PIK3R2: variants seen among roughly 807,000 people sequenced by gnomAD.
The protein encoded by PIK3R2 is phosphatidylinositol 3-kinase regulatory subunit beta.
In PIK3R2, 40 loss-of-function variants were observed where a neutral mutation model predicts 78.5. That is an observed-to-expected ratio of 0.51 (90% CI 0.40 to 0.66). PIK3R2 has a LOEUF of 0.66. Among genes scored for constraint, PIK3R2 ranks in the 30% least tolerant of loss-of-function variants. PIK3R2 has a pLI of 0.00. For missense variants in PIK3R2, 880 were observed against 1,026.6 expected, an observed-to-expected ratio of 0.86 and a Z score of 1.95; for synonymous variants, 473 against 457.7, an observed-to-expected ratio of 1.03 and a Z score of -0.43.
chr19:18,161,956 T>C lies in PIK3R2; in HGVS notation c.816-10T>C. The C allele has an allele frequency of 6.8e-6, 11 of 1,612,424 alleles. No homozygotes were observed. Among genetic ancestry groups the C allele is most frequent in the Non-Finnish European group, 8.5e-6 (10 of 1,178,720 alleles). Reference sequence around the variant, plus strand: ...TACCCAGCCCTCACCACACTCCCCTTCCCCCTAAGGAGTGAGCCCAGCCCT... The same window carrying C: ...TACCCAGCCCTCACCACACTCCCCTCCCCCCTAAGGAGTGAGCCCAGCCCT... On this transcript the variant is annotated splice_polypyrimidine_tract_variant and intron_variant, in intron 6 of 15. Coordinates refer to ENST00000222254, the MANE Select transcript of PIK3R2 (RefSeq NM_005027.4). This position sits in a 1 kb window ranked among gnomAD's most constrained non-coding sequence, Gnocchi z 5.3.
In PIK3R2 at chr19:18,161,391, G is replaced by T; in HGVS notation, c.711G>T (p.Pro237=). ...TGGGCCGCGTGGCCAGCCGCGCCCC[G>T]GCCCTGGGTCCCGCGGTCCGGGCCC... ...QHLGRVASRA[P]ALGPAVRALG... is the part of the protein sequence containing the mutation. Residue 237 remains proline (P), a synonymous_variant, in exon 6 of 16, where the codon CCG becomes CCT. Transcript: ENST00000222254. The surrounding 1 kb of genome is among the most constrained non-coding windows in gnomAD (Gnocchi z 5.3). 8.2e-7 allele frequency: 1 copy of T among 1,225,306 alleles called. No homozygotes were observed. Among genetic ancestry groups the T allele is most frequent in the South Asian group, 3.4e-5 (1 of 29,410 alleles). The allele number at this position is 1,225,306 out of a possible 1,614,324, so 75.9% of individuals were successfully genotyped here.
intron 11 of PIK3R2, among the ~76,000 whole-genome samples, chr19:18,163,957 T>G (rs978356371): frequency 1.3e-5 from 2 of 151,880 alleles, no homozygotes; most frequent in African/African-American, 4.8e-5. Context: ...TGAAACCCTG[T>G]CTCTACTAAA....
rs2147950108 is a variant in PIK3R2 at position 18,161,093 on chromosome 19, C to G, written c.506C>G (p.Ala169Gly). ...LSDVDQWDTAALADGIKSFLL... is the reference protein window; with the variant it reads ...LSDVDQWDTAGLADGIKSFLL... The stretch of plus-strand genomic sequence containing the variant: ...GACGTGGATCAGTGGGACACGGCAG[C>G]CCTGGCTGACGGCATTAAGAGCTTC... Residue 169 changes from alanine (A) to glycine (G), a missense_variant, in exon 5 of 16, where the codon GCC (alanine) becomes GGC (glycine). Ala to Gly is a moderately conservative substitution (Grantham distance 60, BLOSUM62 0). Around this residue, in one of 3 missense-constraint regions of PIK3R2, gnomAD observed 456 missense variants for 486.6 expected, o/e 0.94. Coordinates refer to ENST00000222254, the MANE Select transcript of PIK3R2 (RefSeq NM_005027.4). This position sits in a 1 kb window ranked among gnomAD's most constrained non-coding sequence, Gnocchi z 5.3. 6.2e-7 allele frequency: 1 copy of G among 1,606,008 alleles called. No homozygotes were observed. Among genetic ancestry groups the G allele is most frequent in the Non-Finnish European group, 8.5e-7 (1 of 1,177,022 alleles).
rs2043739301 is a variant in PIK3R2 at position 18,161,156 on chromosome 19, C to A, written c.569C>A (p.Ala190Asp). The A allele has an allele frequency of 1.2e-5, 18 of 1,549,884 alleles. No homozygotes were observed. The highest frequency in any genetic ancestry group is 1.6e-5 in the Non-Finnish European group (18 of 1,147,518). Reference sequence around the variant, plus strand: ...CCCGCGCCGCTCGTGACCCCCGAGGCCTCGGCCGAGGCGCGCCGGGCCCTG... The same window carrying A: ...CCCGCGCCGCTCGTGACCCCCGAGGACTCGGCCGAGGCGCGCCGGGCCCTG... ...ALPAPLVTPE[A>D]SAEARRALRE... The change falls in exon 5 of 16, where the codon GCC becomes GAC. Residue 190 changes from alanine to aspartate, a missense_variant. Coordinates refer to ENST00000222254, the MANE Select transcript of PIK3R2 (RefSeq NM_005027.4). The surrounding 1 kb of genome is among the most constrained non-coding windows in gnomAD (Gnocchi z 5.3).
intron 1 of PIK3R2, among the ~76,000 whole-genome samples, chr19:18,154,771 G>A (rs1036746172): frequency 6.6e-6 from 1 of 151,942 alleles, no homozygotes; most frequent in African/African-American, 2.4e-5. Flanking sequence ...ATCTGTAACA[G>A]GGGTGATGAA....
chr19:18,154,378 T>G (rs1467538412), intron 1 of PIK3R2, among the ~76,000 whole-genome samples: 1 of 152,022 alleles, frequency 6.6e-6, no homozygotes, highest in Admixed American at 6.6e-5. Flanking sequence ...GGGCTAAGGT[T>G]CCTTCTAAGC....
At position 18,169,223 on chromosome 19, in the gene PIK3R2, G is replaced by A. The variant is rs1342420207; in HGVS notation, c.2116G>A (p.Asp706Asn). The change falls in exon 16 of 16, where the codon GAC becomes AAC. Residue 706 changes from aspartate (D) to asparagine (N), a missense_variant. By Grantham distance (23) the Asp-to-Asn change is conservative. This residue lies in a region of PIK3R2 where 268 missense variants were observed against 299.1 expected (regional missense o/e 0.90). Coordinates refer to ENST00000222254, the MANE Select transcript of PIK3R2 (RefSeq NM_005027.4). ...GCACGCCTCGCTGGTGCAGCACAAC[G>A]ACGCGCTCACCGTCACCCTGGCGCA... ...YQHASLVQHNDALTVTLAHPV... is the reference protein window; with the variant it reads ...YQHASLVQHNNALTVTLAHPV... 2 of 1,600,022 alleles carry A rather than the reference G, an allele frequency of 1.2e-6. No individual in the cohort carries two copies. The highest frequency in any genetic ancestry group is 2.2e-5 in the East Asian group (1 of 44,642).
rs749204375 is a variant in PIK3R2, at chr19:18,163,033, A to G, written c.1176A>G (p.Pro392=). Residue 392 remains proline (P), a synonymous_variant, in exon 10 of 16, where the codon CCA becomes CCG. Transcript: ENST00000222254. ...ATGGGCACTATGGCTTCTCAGAGCC[A>G]CTCACCTTCTGCTCCGTTGTGGACC... ...HRDGHYGFSE[P]LTFCSVVDLI... The G allele has an allele frequency of 6.2e-7, 1 of 1,613,390 alleles. No individual in the cohort carries two copies. Among genetic ancestry groups the G allele is most frequent in the Non-Finnish European group, 8.5e-7 (1 of 1,179,874 alleles).
rs1219812893 is a variant in PIK3R2, at chr19:18,163,318, A to G, written c.1346A>G (p.Tyr449Cys). 6.2e-7 allele frequency: 1 copy of G among 1,614,062 alleles called. No individual in the cohort carries two copies. Among genetic ancestry groups the G allele is most frequent in the Non-Finnish European group, 8.5e-7 (1 of 1,179,988 alleles). ...VEAVGAQLKV[Y>C]HQQYQDKSRE... Reference sequence around the variant, plus strand: ...GCAGTGGGCGCCCAGCTTAAGGTCTATCACCAGCAGTACCAGGACAAGAGC... The same window carrying G: ...GCAGTGGGCGCCCAGCTTAAGGTCTGTCACCAGCAGTACCAGGACAAGAGC... The change falls in exon 11 of 16, where the codon TAT becomes TGT. Residue 449 changes from tyrosine (Y) to cysteine (C), a missense_variant. Physicochemically the swap from Tyr to Cys is radical, Grantham distance 194. Coordinates refer to ENST00000222254, the MANE Select transcript of PIK3R2 (RefSeq NM_005027.4).
In PIK3R2 at chr19:18,167,368, T is replaced by C; in HGVS notation, c.1736+62T>C. The C allele has an allele frequency of 1.5e-6, 2 of 1,345,316 alleles. No homozygotes were observed. Among genetic ancestry groups the C allele is most frequent in the Non-Finnish European group, 2.0e-6 (2 of 999,838 alleles). 83.3% of individuals were successfully genotyped at this position (1,345,316 alleles called of 1,614,324 possible). On this transcript the variant is annotated intron_variant, in intron 13 of 15. Transcript: ENST00000222254. The surrounding 1 kb of genome is among the most constrained non-coding windows in gnomAD (Gnocchi z 4.5). ...GCGACTGCTGCGGCACATGGAGATC[T>C]CTCTAGGAGTCTCAGTCTCTCTCTC...
Position 18,168,957 on chromosome 19 carries a change from G to T in PIK3R2, c.1979+61G>T. ...CTCCCAGAGCTCTCATTGAATGCCTGCCGCGTGCCAGGCCTTGGGAAGGAG... is the reference window on the plus strand; with the variant it reads ...CTCCCAGAGCTCTCATTGAATGCCTTCCGCGTGCCAGGCCTTGGGAAGGAG... On this transcript the variant is annotated intron_variant, in intron 15 of 15. Coordinates refer to ENST00000222254, the MANE Select transcript of PIK3R2 (RefSeq NM_005027.4). The surrounding 1 kb of genome is among the most constrained non-coding windows in gnomAD (Gnocchi z 4.1). The T allele has an allele frequency of 6.4e-7, 1 of 1,571,782 alleles. No individual in the cohort carries two copies. Among genetic ancestry groups the T allele is most frequent in the Non-Finnish European group, 8.7e-7 (1 of 1,153,140 alleles).
chr19:18,157,896 A>G (rs2043695813), intron 2 of PIK3R2, among the ~76,000 whole-genome samples: 1 of 152,186 alleles, frequency 6.6e-6, no homozygotes, highest in Non-Finnish European at 1.5e-5. Context: ...ATGGTGGCAG[A>G]CAGCGAGCTG....
At position 18,168,308 on chromosome 19, in the gene PIK3R2, G is replaced by T. The variant is rs1299509155; in HGVS notation, c.1737-167G>T. Reference sequence around the variant, plus strand: ...CAGCAGAGCTGGGCGAGCCACCCTGGGTTCAGGCTGCCCTGAGCCAGGTCA... The same window carrying T: ...CAGCAGAGCTGGGCGAGCCACCCTGTGTTCAGGCTGCCCTGAGCCAGGTCA... On this transcript the variant is annotated intron_variant, in intron 13 of 15. Coordinates refer to ENST00000222254, the MANE Select transcript of PIK3R2 (RefSeq NM_005027.4). This position sits in a 1 kb window ranked among gnomAD's most constrained non-coding sequence, Gnocchi z 4.1. Among the ~76,000 whole-genome samples, 3 of 152,110 alleles carry T rather than the reference G, an allele frequency of 2.0e-5. No individual in the cohort carries two copies. Among genetic ancestry groups the T allele is most frequent in the African/African-American group, 4.8e-5 (2 of 41,414 alleles).
chr19:18,162,726 AAT>A, intron 9 of PIK3R2: 1 of 605,110 alleles, frequency 1.7e-6, no homozygotes, highest in Non-Finnish European at 2.9e-6. Flanking sequence ...TCTACTAAAA[AAT>A]TAAAAAAAAA....
Position 18,156,154 on chromosome 19 carries a change from GC to G in PIK3R2, c.280del (p.Arg94AlafsTer36). The G allele has an allele frequency of 6.9e-7, 1 of 1,457,006 alleles. No homozygotes were observed. The highest frequency in any genetic ancestry group is 9.0e-7 in the Non-Finnish European group (1 of 1,109,368). The allele number at this position is 1,457,006 out of a possible 1,614,324, so 90.3% of individuals were successfully genotyped here. A position where few individuals can be genotyped will look rare whatever the true frequency, so the allele number is the denominator to read the frequency against. ...GCCCGGCCCGGCCCTCGCCCACGGGGCCCCCGCCCACTGCCCGCCAGGCCCC... is the reference window on the plus strand; with the variant it reads ...GCCCGGCCCGGCCCTCGCCCACGGGGCCCCGCCCACTGCCCGCCAGGCCCC... The part of the protein sequence containing the change: ...ALARPGPRPR[G>X]PRPLPARPRD... On this transcript the variant is annotated frameshift_variant, in exon 2 of 16. Coordinates refer to ENST00000222254, the MANE Select transcript of PIK3R2 (RefSeq NM_005027.4). LOFTEE classifies it high-confidence loss of function. This position sits in a 1 kb window ranked among gnomAD's most constrained non-coding sequence, Gnocchi z 4.2.
At chr19:18,159,894 A>G (rs2043723189) in intron 2 of PIK3R2, among the ~76,000 whole-genome samples, 1 of 150,084 alleles carries the variant, frequency 6.7e-6, no homozygotes, top group Non-Finnish European at 1.5e-5. Flanking sequence ...GGCACCCACC[A>G]CCACGCCCAG....
Position 18,168,461 on chromosome 19 carries a change from C to G in PIK3R2, c.1737-14C>G, listed in dbSNP as rs1404534902. The G allele has an allele frequency of 6.4e-6, 5 of 779,278 alleles. No individual in the cohort carries two copies. The highest frequency in any genetic ancestry group is 1.2e-5 in the Non-Finnish European group (5 of 417,438). The allele number at this position is 779,278 out of a possible 1,614,324, so 48.3% of individuals were successfully genotyped here. A position where few individuals can be genotyped will look rare whatever the true frequency, so the allele number is the denominator to read the frequency against. On this transcript the variant is annotated splice_polypyrimidine_tract_variant and intron_variant, in intron 13 of 15. Coordinates refer to ENST00000222254, the MANE Select transcript of PIK3R2 (RefSeq NM_005027.4). This position sits in a 1 kb window ranked among gnomAD's most constrained non-coding sequence, Gnocchi z 4.1. The stretch of plus-strand genomic sequence containing the variant: ...ACACAACTGCACAAGCCCACCTTTC[C>G]TGTTCCTTCTCAGGTGGCTCACCCA...
intron 1 of PIK3R2, among the ~76,000 whole-genome samples, chr19:18,153,675 G>C (rs1438849352): frequency 6.6e-6 from 1 of 152,160 alleles, no homozygotes; most frequent in Non-Finnish European, 1.5e-5. Context: ...TCCCCTAGCC[G>C]GGTGGCCGGG....
rs1214156527 is a variant in PIK3R2, at chr19:18,169,511, GTC to G, written c.*224_*225del. ...CTTTTCTCTGTCTTTCTTGGCCCCT[GTC>G]TCTCTCCATGTTGGGGGTCCTAACT... is the stretch of plus-strand genomic sequence containing the variant. On this transcript the variant is annotated 3_prime_UTR_variant, in exon 16 of 16. Coordinates refer to ENST00000222254, the MANE Select transcript of PIK3R2 (RefSeq NM_005027.4). 2.0e-5 allele frequency: 7 copies of G among 341,720 alleles called. No homozygotes were observed. The highest frequency in any genetic ancestry group is 4.4e-5 in the East Asian group (1 of 22,610). 21.2% of individuals were successfully genotyped at this position (341,720 alleles called of 1,614,324 possible). A position where few individuals can be genotyped will look rare whatever the true frequency, so the allele number is the denominator to read the frequency against.
Sources: gnomAD v4.1 joint callset for allele counts (sites outside exome capture counted in the v4.1 genomes callset) on GRCh38, gnomAD v4.1.1 for gene constraint, gnomAD v4.1.1 regional missense constraint, Gnocchi (gnomAD v3.1) non-coding constraint, MANE v1.5 for transcripts, NCBI Gene and HGNC (gene_info 2026-07-23, HGNC 2026-07-21) for gene names.